Variants in ZNF420 observed in about 807,000 individuals in gnomAD.
ZNF420 encodes zinc finger protein 420.
In ZNF420, 31 loss-of-function variants were observed where a neutral mutation model predicts 44.7. That is an observed-to-expected ratio of 0.69 (90% CI 0.52 to 0.94). The LOEUF (loss-of-function observed/expected upper bound fraction) is 0.94. Among genes scored for constraint, ZNF420 ranks in the 40% least tolerant of loss-of-function variants. The pLI is 0.00. For missense variants in ZNF420, 681 were observed against 827.9 expected (o/e 0.82, Z 2.18); for synonymous variants, 245 against 267.4 (o/e 0.92, Z 0.82).
upstream of ZNF420, among the ~76,000 whole-genome samples, chr19:37,077,516 C>T (rs1968188830): frequency 6.6e-6 from 1 of 152,086 alleles, no homozygotes; most frequent in African/African-American, 2.4e-5. Context: ...TGGATTCTTC[C>T]CGATAACACA....
In ZNF420 at chr19:37,129,159, C is replaced by A; in HGVS notation, c.*101C>A. 1 of 1,382,256 alleles carries A rather than the reference C, an allele frequency of 7.2e-7. No homozygotes were observed. 85.6% of individuals were successfully genotyped at this position (1,382,256 alleles called of 1,614,324 possible). ...ATGGGCGCACATTTGCCTCATAAAG[C>A]ACAGCATCAGATAATTTATGTGAGA... On this transcript the variant is annotated 3_prime_UTR_variant, in exon 5 of 5. Coordinates refer to ENST00000337995, the MANE Select transcript of ZNF420 (RefSeq NM_144689.5).
chr19:37,081,777 C>T (rs1486388250), intron 2 of ZNF420, among the ~76,000 whole-genome samples: 1 of 147,284 alleles, frequency 6.8e-6, no homozygotes, highest in Admixed American at 6.9e-5. Flanking sequence ...AACTTCTGAC[C>T]TCAGGTGATC....
intron 1 of ZNF420, among the ~76,000 whole-genome samples, chr19:37,059,135 C>T (rs1168607145): frequency 1.3e-5 from 2 of 152,204 alleles, no homozygotes. Flanking sequence ...CTGAAGCTCC[C>T]CCTCCACCGG....
chr19:37,087,297 ATAAAT>A (rs1968862995), intron 2 of ZNF420, among the ~76,000 whole-genome samples: 16 of 119,950 alleles, frequency 1.3e-4, no homozygotes, highest in East Asian at 7.1e-4. Flanking sequence ...AAAAAAATAA[ATAAAT>A]AAATAAATAA....
intron 1 of ZNF420, among the ~76,000 whole-genome samples, chr19:37,011,390 C>A (rs1599590249): frequency 6.6e-6 from 1 of 152,056 alleles, no homozygotes; most frequent in East Asian, 1.9e-4. Context: ...GTTTCCTCTT[C>A]ACTTCATGTT....
At chr19:37,048,111 G>A (rs1380277268) in intron 1 of ZNF420, among the ~76,000 whole-genome samples, 1 of 150,770 alleles carries the variant, frequency 6.6e-6, no homozygotes, top group East Asian at 1.9e-4. Context: ...TCAGGTGAAA[G>A]GCACTTTTAT....
chr19:37,015,195 A>AG (rs139816081), intron 1 of ZNF420, among the ~76,000 whole-genome samples: 1,711 of 152,280 alleles, frequency 0.011, 21 homozygotes, highest in Non-Finnish European at 0.016. Context: ...CGTGCGCTGG[A>AG]GCGCGGTTTC....
intron 1 of ZNF420, among the ~76,000 whole-genome samples, chr19:37,009,960 C>CG (rs1322390734): frequency 1.3e-5 from 2 of 152,090 alleles, no homozygotes; most frequent in Non-Finnish European, 2.9e-5. Context: ...TACTTGATCC[C>CG]GGATTCAGCC....
At chr19:37,117,848 C>A (rs555300595) in intron 4 of ZNF420, among the ~76,000 whole-genome samples, 3 of 152,062 alleles carry the variant, frequency 2.0e-5, no homozygotes, top group African/African-American at 7.2e-5. Context: ...GGAGCCGACA[C>A]GATCAACTGG....
rs188222919 is a variant in ZNF420 at position 37,123,844 on chromosome 19, G to A, written c.137-3284G>A. Among the ~76,000 whole-genome samples the A allele has an allele frequency of 1.7e-3, 254 of 151,912 alleles. 2 individuals carry two copies. The highest frequency in any genetic ancestry group is 4.5e-3 in the Admixed American group (68 of 15,246). On this transcript the variant is annotated intron_variant, in intron 4 of 4. Coordinates refer to ENST00000337995, the MANE Select transcript of ZNF420 (RefSeq NM_144689.5). ...AAGATGGTCTCAATCTCCTGACCTC[G>A]TAATCCGCCCGCCTCAGCCTCCCAA... is the stretch of plus-strand genomic sequence containing the variant.
At chr19:37,093,649 A>C (rs956547863) in intron 4 of ZNF420, among the ~76,000 whole-genome samples, 2 of 152,230 alleles carry the variant, frequency 1.3e-5, no homozygotes, top group Non-Finnish European at 2.9e-5. Flanking sequence ...TTACATCAAC[A>C]TGAGATTTGG....
intron 1 of ZNF420, among the ~76,000 whole-genome samples, chr19:37,056,675 A>C (rs1272669809): frequency 6.6e-6 from 1 of 152,016 alleles, no homozygotes; most frequent in Admixed American, 6.5e-5. Context: ...GGCCCTTCCC[A>C]CCTCAACAGA....
chr19:37,012,810 G>C (rs919793666), intron 1 of ZNF420, among the ~76,000 whole-genome samples: 3 of 142,068 alleles, frequency 2.1e-5, no homozygotes, highest in South Asian at 4.3e-4. Flanking sequence ...GTGTGTGTGT[G>C]TGTCTCCCAT....
intron 4 of ZNF420, chr19:37,114,924 C>T (rs1970577785): frequency 6.5e-6 from 1 of 153,006 alleles, no homozygotes; most frequent in African/African-American, 2.4e-5. Flanking sequence ...TTCTAGAAAC[C>T]ATGGGCAGAA....
At chr19:37,087,303 A>G (rs1437731696) in intron 2 of ZNF420, among the ~76,000 whole-genome samples, 1 of 128,624 alleles carries the variant, frequency 7.8e-6, no homozygotes, top group Non-Finnish European at 1.6e-5. Context: ...ATAAATAAAT[A>G]AATAAATAAA....
At position 37,128,631 on chromosome 19, in the gene ZNF420, T is replaced by A. The variant is rs1235422952; in HGVS notation, c.1640T>A (p.Ile547Lys). The A allele has an allele frequency of 2.5e-6, 4 of 1,612,860 alleles. No individual in the cohort carries two copies. In the Admixed American group the frequency reaches 6.7e-5, roughly 27 times the overall value. ...GCCTTTGCGCGTGGCTTACTACTTA[T>A]ACAACATCAGAGAATTCATACTGGT... ...GKAFARGLLL[I>K]QHQRIHTGEK... Residue 547 changes from isoleucine (I) to lysine (K), a missense_variant, in exon 5 of 5, where the codon ATA becomes AAA. By Grantham distance (102) the Ile-to-Lys change is moderately radical (BLOSUM62 -3). Transcript: ENST00000337995.
At chr19:37,123,172 C>G (rs1185783310) in intron 4 of ZNF420, among the ~76,000 whole-genome samples, 1 of 152,230 alleles carries the variant, frequency 6.6e-6, no homozygotes, top group Admixed American at 6.5e-5. Context: ...TCCACCCTTA[C>G]CTCCACCATC....
chr19:37,107,189 T>C (rs1205509308), intron 4 of ZNF420: 2 of 146,034 alleles, frequency 1.4e-5, no homozygotes, highest in African/African-American at 5.6e-5. Flanking sequence ...GGCTGGGGGA[T>C]GTCGGGCTGG....
intron 4 of ZNF420, among the ~76,000 whole-genome samples, chr19:37,123,708 T>G (rs1045979254): frequency 6.7e-6 from 1 of 148,546 alleles, no homozygotes; most frequent in African/African-American, 2.5e-5. Context: ...GTTCAAGTGA[T>G]TCTCCTGCCT....
Sources: allele counts gnomAD v4.1 joint callset (sites outside exome capture counted in the v4.1 genomes callset), GRCh38; gene constraint gnomAD v4.1.1; transcripts MANE v1.5; gene names NCBI Gene and HGNC (gene_info 2026-07-23, HGNC 2026-07-21).